The following MGST1 variants were observed in gnomAD, a reference collection of about 807,000 sequenced individuals.
MGST1 encodes microsomal glutathione S-transferase 1, also known as glutathione S-transferase 12.
Under a neutral mutation model 8.9 loss-of-function variants are expected in MGST1, and 5 were observed. The ratio of observed to expected loss-of-function variants is 0.56; its 90% CI spans 0.29 to 1.19. The LOEUF is 1.19. MGST1 is among the 50% of genes most tolerant of loss of function. The pLI, the probability that MGST1 is intolerant of heterozygous loss-of-function variation, is 0.08. For missense variants in MGST1, 182 were observed against 187.4 expected (o/e 0.97, Z 0.17); for synonymous variants, 54 against 67.8 (o/e 0.80, Z 1.00).
Position 16,500,738 on chromosome 12 carries a change from A to G in MGST1, n.483-88790A>G, listed in dbSNP as rs73320878. On this transcript the variant is annotated intron_variant and non_coding_transcript_variant, in intron 4 of 4. Transcript: ENST00000538857. This position sits in a 1 kb window ranked among gnomAD's most constrained non-coding sequence, Gnocchi z 4.3. ...TGAAAGTCATCATTATCTATTAAAT[A>G]TTACTATCATAAGGGCAAAATCTAT... Among the ~76,000 whole-genome samples, 969 of 152,350 alleles carry G rather than the reference A, an allele frequency of 6.4e-3. 12 individuals carry two copies. Among genetic ancestry groups the G allele is most frequent in the African/African-American group, 0.022 (908 of 41,572 alleles).
chr12:16,363,631 C>A lies in MGST1; in HGVS notation c.222-164C>A. The A allele has an allele frequency of 2.0e-6, 1 of 497,728 alleles. No homozygotes were observed. Among genetic ancestry groups the A allele is most frequent in the Non-Finnish European group, 3.3e-6 (1 of 304,454 alleles). The allele number at this position is 497,728 out of a possible 1,614,324, so 30.8% of individuals were successfully genotyped here. On this transcript the variant is annotated intron_variant, in intron 3 of 3. Transcript: ENST00000396210. This position sits in a 1 kb window ranked among gnomAD's most constrained non-coding sequence, Gnocchi z 4.6. ...ATAATGAGAGATTCTAAATAAAAGT[C>A]AAGTGGGCAAGGAAGCAAGACAATT...
At chr12:16,408,515 G>T (rs1940715230) in intron 1 of MGST1, among the ~76,000 whole-genome samples, 1 of 152,082 alleles carries the variant, frequency 6.6e-6, no homozygotes, top group Non-Finnish European at 1.5e-5. Flanking sequence ...ATTTTGTTGG[G>T]ATGAAAGCTA....
chr12:16,475,050 ATTTAGCTCGAGCTGC>A (rs1941312491), intron 4 of MGST1, among the ~76,000 whole-genome samples: 1 of 152,164 alleles, frequency 6.6e-6, no homozygotes, highest in African/African-American at 2.4e-5. Flanking sequence ...GAAGCTTGGC[ATTTAGCTCGAGCTGC>A]TTTTGGCTTA....
Position 16,523,018 on chromosome 12 carries a change from C to CT in MGST1, n.483-66500dup, listed in dbSNP as rs547518197. 8.7e-4 allele frequency among the ~76,000 whole-genome samples: 127 copies of CT among 146,540 alleles called. 2 individuals are homozygous for CT. In the East Asian group the frequency reaches 0.017, roughly 19 times the overall value. ...AGAAATTAATAAAATATGAAGTGGG[C>CT]TTTTTTTTTTAGTTTGAAAGACATA... is the stretch of plus-strand genomic sequence containing the variant. On this transcript the variant is annotated intron_variant and non_coding_transcript_variant, in intron 4 of 4. Transcript: ENST00000538857.
intron 4 of MGST1, among the ~76,000 whole-genome samples, chr12:16,534,984 T>C (rs1941746207): frequency 6.6e-6 from 1 of 152,178 alleles, no homozygotes; most frequent in Non-Finnish European, 1.5e-5. Context: ...TCACGTATTT[T>C]TGTTGTCCTT....
intron 4 of MGST1, among the ~76,000 whole-genome samples, chr12:16,514,658 G>A (rs969095177): frequency 1.7e-4 from 26 of 150,020 alleles, no homozygotes; most frequent in African/African-American, 6.3e-4. Context: ...CCATTCACCA[G>A]GTCACCAAGT....
exon 1 of MGST1, chr12:16,382,848 G>A (rs147733885): frequency 0.012 from 1,861 of 153,330 alleles, 14 homozygotes; most frequent in Non-Finnish European, 0.018. Flanking sequence ...AGCAATGGTG[G>A]GCGCCCCTCC....
chr12:16,425,459 T>A (rs977085757), intron 1 of MGST1, among the ~76,000 whole-genome samples: 1 of 152,126 alleles, frequency 6.6e-6, no homozygotes, highest in South Asian at 2.1e-4. Flanking sequence ...AATTTTTGTA[T>A]TTTTAGTAGA....
At chr12:16,571,879 A>G (rs894994164) in intron 4 of MGST1, among the ~76,000 whole-genome samples, 3 of 152,066 alleles carry the variant, frequency 2.0e-5, no homozygotes, top group African/African-American at 7.2e-5. Context: ...GGGAAGGCAT[A>G]TAACTTTTAT....
chr12:16,395,804 T>TATATATATATATATATATATATATATAC (rs1338860243), intron 1 of MGST1, among the ~76,000 whole-genome samples: 2 of 123,692 alleles, frequency 1.6e-5, no homozygotes, highest in South Asian at 2.5e-4. Context: ...TATATATATA[T>TATATATATATATATATATATATATATAC]ACACACACAC....
At chr12:16,491,820 C>A (rs983871018) in intron 4 of MGST1, among the ~76,000 whole-genome samples, 100 of 152,106 alleles carry the variant, frequency 6.6e-4, no homozygotes, top group African/African-American at 2.4e-3. Flanking sequence ...TGATCAGTAA[C>A]TTTTTCTTTT....
downstream of MGST1, among the ~76,000 whole-genome samples, chr12:16,440,483 G>A (rs1941029698): frequency 6.6e-6 from 1 of 151,652 alleles, no homozygotes; most frequent in Non-Finnish European, 1.5e-5. Context: ...ACTCCATGTG[G>A]ACTCTATAAA....
At chr12:16,349,174 A>G (rs1565430968) in intron 1 of MGST1, 1 of 152,162 alleles carries the variant, frequency 6.6e-6, no homozygotes, top group African/African-American at 2.4e-5. Flanking sequence ...TTAGTTTTAG[A>G]AGGTACAAAA....
At chr12:16,368,596 A>C (rs1349830381), downstream of MGST1, among the ~76,000 whole-genome samples, 1 of 152,224 alleles carries the variant, frequency 6.6e-6, no homozygotes, top group East Asian at 1.9e-4. Context: ...TGGATTTGAC[A>C]AGGAGGAGTT....
At chr12:16,508,137 G>T (rs1367402178) in intron 4 of MGST1, among the ~76,000 whole-genome samples, 1 of 152,116 alleles carries the variant, frequency 6.6e-6, no homozygotes, top group African/African-American at 2.4e-5. Context: ...ACCATGCCTT[G>T]ATTATCATTA....
chr12:16,432,745 A>G (rs1377492909), intron 1 of MGST1, among the ~76,000 whole-genome samples: 1 of 139,808 alleles, frequency 7.2e-6, no homozygotes, highest in Non-Finnish European at 1.6e-5. Flanking sequence ...GAGAGAGAAT[A>G]TTGTCAGAGT....
chr12:16,376,264 T>A, exon 4 of MGST1: 1 of 567,294 alleles, frequency 1.8e-6, no homozygotes, highest in South Asian at 2.4e-5. Flanking sequence ...TTTCAACATC[T>A]AATGAGTTAA....
chr12:16,508,897 C>T (rs1301240985), intron 4 of MGST1, among the ~76,000 whole-genome samples: 14 of 152,138 alleles, frequency 9.2e-5, no homozygotes, highest in Middle Eastern at 3.4e-3. Flanking sequence ...AAGTTTATCC[C>T]GAGTGTAAAG....
At position 16,548,334 on chromosome 12, in the gene MGST1, G is replaced by C. The variant is rs1214797091; in HGVS notation, n.483-41194G>C. The C allele has an allele frequency of 2.0e-5, 3 of 151,934 alleles. No homozygotes were observed. The highest frequency in any genetic ancestry group is 1.9e-4 in the East Asian group (1 of 5,192). The allele number at this position is 151,934 out of a possible 1,614,324, so 9.4% of individuals were successfully genotyped here. ...TCATGGACTTAACATATGCTTTCTAGAGATCATCTTAAATTTTGCCAATTA... is the reference window on the plus strand; with the variant it reads ...TCATGGACTTAACATATGCTTTCTACAGATCATCTTAAATTTTGCCAATTA... On this transcript the variant is annotated intron_variant and non_coding_transcript_variant, in intron 4 of 4. Transcript: ENST00000538857. This position sits in a 1 kb window ranked among gnomAD's most constrained non-coding sequence, Gnocchi z 4.2.
Sources: allele counts gnomAD v4.1 joint callset (sites outside exome capture counted in the v4.1 genomes callset), GRCh38; gene constraint gnomAD v4.1.1; non-coding constraint Gnocchi (gnomAD v3.1); transcripts MANE v1.5; gene names NCBI Gene and HGNC (gene_info 2026-07-23, HGNC 2026-07-21).